Variants in HRH1 observed in about 807,000 individuals in gnomAD.
HRH1 encodes histamine H1 receptor.
Under a neutral mutation model 10.3 loss-of-function variants are expected in HRH1, and 6 were observed. The observed-to-expected ratio is 0.58, with a 90% CI of 0.32 to 1.15. HRH1 has a LOEUF of 1.15. Ranked by LOEUF, HRH1 falls within the 50% of genes most tolerant of loss-of-function variation. The pLI is 0.05. For missense variants in HRH1, 514 were observed against 615.3 expected, an observed-to-expected ratio of 0.84 and a Z score of 1.74; for synonymous variants, 242 against 236.7, an observed-to-expected ratio of 1.02 and a Z score of -0.21.
chr3:11,214,400 A>G (rs1938425215), intron 1 of HRH1, among the ~76,000 whole-genome samples: 1 of 152,198 alleles, frequency 6.6e-6, no homozygotes, highest in Non-Finnish European at 1.5e-5. Flanking sequence ...TATTGAGGTC[A>G]CCTGCAAATA....
At chr3:11,219,947 G>GT (rs1254697819) in intron 1 of HRH1, among the ~76,000 whole-genome samples, 24 of 102,714 alleles carry the variant, frequency 2.3e-4, no homozygotes, top group African/African-American at 4.4e-4. Context: ...AACTTAATGT[G>GT]TTGTTTTTTT....
intron 1 of HRH1, among the ~76,000 whole-genome samples, chr3:11,190,490 A>C (rs1195763836): frequency 6.6e-6 from 1 of 151,970 alleles, no homozygotes; most frequent in Non-Finnish European, 1.5e-5. Flanking sequence ...TCCCGAGTTC[A>C]AGCAATTCTC....
intron 1 of HRH1, among the ~76,000 whole-genome samples, chr3:11,188,935 G>T (rs1937496987): frequency 1.3e-5 from 2 of 152,200 alleles, no homozygotes; most frequent in Admixed American, 6.5e-5. Flanking sequence ...CTGAAGACAG[G>T]AGTATCATTA....
intron 1 of HRH1, among the ~76,000 whole-genome samples, chr3:11,242,476 G>A (rs1383906721): frequency 4.3e-5 from 3 of 69,518 alleles, no homozygotes; most frequent in South Asian, 1.4e-3. Context: ...GCCAGACTCC[G>A]TCTCAAAAAA....
chr3:11,175,776 A>G (rs1937236988), intron 1 of HRH1, among the ~76,000 whole-genome samples: 2 of 152,222 alleles, frequency 1.3e-5, no homozygotes, highest in Admixed American at 6.5e-5. Flanking sequence ...GACAATTCAA[A>G]CACCAACAAG....
At chr3:11,249,402 CAAAAAAA>C (rs4037602) in intron 1 of HRH1, among the ~76,000 whole-genome samples, 4 of 71,870 alleles carry the variant, frequency 5.6e-5, no homozygotes, top group East Asian at 7.8e-4. Context: ...GACTCTGTCT[CAAAAAAA>C]AAAAAAAAAA....
intron 1 of HRH1, among the ~76,000 whole-genome samples, chr3:11,177,735 C>T (rs1229397135): frequency 6.6e-6 from 1 of 152,186 alleles, no homozygotes; most frequent in African/African-American, 2.4e-5. Context: ...TTAATCAATG[C>T]AGAATGAATG....
At chr3:11,189,002 T>C (rs750774705) in intron 1 of HRH1, among the ~76,000 whole-genome samples, 3 of 152,236 alleles carry the variant, frequency 2.0e-5, no homozygotes, top group Non-Finnish European at 4.4e-5. Flanking sequence ...TATGAAATAA[T>C]GCATACCTAA....
intron 1 of HRH1, among the ~76,000 whole-genome samples, chr3:11,250,147 A>T (rs1485512197): frequency 7.5e-6 from 1 of 134,218 alleles, no homozygotes; most frequent in African/African-American, 2.8e-5. Flanking sequence ...CGTTCACGCC[A>T]TTCTCCTGCC....
At chr3:11,205,134 G>T (rs540029792) in intron 1 of HRH1, among the ~76,000 whole-genome samples, 1 of 152,330 alleles carries the variant, frequency 6.6e-6, no homozygotes, top group East Asian at 1.9e-4. Flanking sequence ...GTTCTTGGTA[G>T]GTAGGTCTGA....
At chr3:11,175,377 A>C (rs557137694) in intron 1 of HRH1, among the ~76,000 whole-genome samples, 1 of 152,294 alleles carries the variant, frequency 6.6e-6, no homozygotes, top group East Asian at 1.9e-4. Flanking sequence ...CCTGACCATT[A>C]GGCCATCCTG....
At chr3:11,199,614 TC>T (rs1390981030) in intron 1 of HRH1, among the ~76,000 whole-genome samples, 1 of 152,044 alleles carries the variant, frequency 6.6e-6, no homozygotes, top group East Asian at 1.9e-4. Flanking sequence ...GCCTATCTGT[TC>T]CCCTCCTAGG....
intron 1 of HRH1, among the ~76,000 whole-genome samples, chr3:11,209,786 G>A (rs1321532054): frequency 6.6e-6 from 1 of 152,214 alleles, no homozygotes; most frequent in Non-Finnish European, 1.5e-5. Context: ...TGGTGAATTA[G>A]TACTCTATTT....
chr3:11,205,557 C>T (rs1368163899), intron 1 of HRH1, among the ~76,000 whole-genome samples: 1 of 152,180 alleles, frequency 6.6e-6, no homozygotes, highest in Non-Finnish European at 1.5e-5. Flanking sequence ...GGGAAGTACT[C>T]AGCAAGCGCA....
rs112706419 is a variant in HRH1, at chr3:11,221,569, G to GTATATA, written c.-35-37426_-35-37421dup. ...GACTCCATCTCAAAAAAAAAAAAAT[G>GTATATA]TATATATATATATCCATAATACTTA... is the stretch of plus-strand genomic sequence containing the variant. On this transcript the variant is annotated intron_variant, in intron 1 of 1. Transcript: ENST00000431010. 1.4e-3 allele frequency among the ~76,000 whole-genome samples: 205 copies of GTATATA among 150,270 alleles called. 1 individual carries two copies. The highest frequency in any genetic ancestry group is 4.5e-3 in the African/African-American group (183 of 40,714).
intron 1 of HRH1, among the ~76,000 whole-genome samples, chr3:11,203,784 G>A (rs1938018112): frequency 6.6e-6 from 1 of 152,148 alleles, no homozygotes. Context: ...GTGTCAGTCT[G>A]CCAACTTTGC....
intron 1 of HRH1, among the ~76,000 whole-genome samples, chr3:11,233,505 A>G (rs1425720995): frequency 2.6e-5 from 4 of 152,044 alleles, no homozygotes; most frequent in Non-Finnish European, 4.4e-5. Flanking sequence ...TACTCTGGTA[A>G]TAATTAGGTC....
At chr3:11,207,912 A>G (rs1559271416) in intron 1 of HRH1, among the ~76,000 whole-genome samples, 1 of 152,200 alleles carries the variant, frequency 6.6e-6, no homozygotes, top group Non-Finnish European at 1.5e-5. Flanking sequence ...GGCGGGCGTC[A>G]TTGACCACCA....
At chr3:11,245,500 T>C (rs1227264169) in intron 1 of HRH1, among the ~76,000 whole-genome samples, 1 of 152,206 alleles carries the variant, frequency 6.6e-6, no homozygotes, top group African/African-American at 2.4e-5. Flanking sequence ...CAGATATGCC[T>C]CTTGGGCTTG....
Sources: allele counts gnomAD v4.1 joint callset (sites outside exome capture counted in the v4.1 genomes callset), GRCh38; gene constraint gnomAD v4.1.1; transcripts MANE v1.5; gene names NCBI Gene and HGNC (gene_info 2026-07-23, HGNC 2026-07-21).